GDF1: variants seen among roughly 807,000 people sequenced by gnomAD.
GDF1 encodes the protein growth differentiation factor 1, also known as embryonic growth/differentiation factor 1.
Under a neutral mutation model 7.4 loss-of-function variants are expected in GDF1, and 8 were observed. The ratio of observed to expected loss-of-function variants is 1.09; its 90% CI spans 0.64 to 1.96. GDF1 has a LOEUF of 1.96. GDF1 is among the 30% of genes most tolerant of loss of function. The pLI is 0.00. For synonymous variants in GDF1, 311 were observed against 276.7 expected, an observed-to-expected ratio of 1.12 and a Z score of -1.23; for missense variants, 574 against 551.5, an observed-to-expected ratio of 1.04 and a Z score of -0.41.
Position 18,895,962 on chromosome 19 carries a change from G to A in GDF1, c.-1212C>T. 1 of 1,077,458 alleles carries A rather than the reference G, an allele frequency of 9.3e-7. No individual in the cohort carries two copies. The highest frequency in any genetic ancestry group is 1.1e-6 in the Non-Finnish European group (1 of 889,324). The allele number at this position is 1,077,458 out of a possible 1,614,324, so 66.7% of individuals were successfully genotyped here. A position where few individuals can be genotyped will look rare whatever the true frequency, so the allele number is the denominator to read the frequency against. On this transcript the variant is annotated 5_prime_UTR_variant, in exon 1 of 8. Coordinates refer to ENST00000247005, the MANE Select transcript of GDF1 (RefSeq NM_001492.6). This position sits in a 1 kb window ranked among gnomAD's most constrained non-coding sequence, Gnocchi z 6.4. Reference sequence around the variant, plus strand: ...GCGCCAGCCCCCAGCCGCAGTCCGTGCAGCCCCGCGCCGCCGCCAGCGCGC... The same window carrying A: ...GCGCCAGCCCCCAGCCGCAGTCCGTACAGCCCCGCGCCGCCGCCAGCGCGC...
rs759329060 is a variant in GDF1, at chr19:18,869,984, G to A, written c.324C>T (p.Arg108=). 1.3e-5 allele frequency: 20 copies of A among 1,587,572 alleles called. No homozygotes were observed. The South Asian group carries it at 2.1e-4, about 16-fold the overall frequency. The change falls in exon 7 of 8, where the codon CGC becomes CGT. Residue 108 remains arginine (R), a splice_region_variant and synonymous_variant. Transcript: ENST00000247005. The part of the protein sequence containing the change: ...AGNIVRHIPD[R]GAPTRASEPA... ...GTCCCCAGCGAAAGCCCCACTCACCGCGGTCCGGGATGTGGCGCACGATGT... is the reference window on the plus strand; with the variant it reads ...GTCCCCAGCGAAAGCCCCACTCACCACGGTCCGGGATGTGGCGCACGATGT...
At position 18,884,242 on chromosome 19, in the gene GDF1, T is replaced by C. The variant is rs754993958; in HGVS notation, c.-888A>G. 2.5e-6 allele frequency: 4 copies of C among 1,613,170 alleles called. No individual in the cohort carries two copies. Among genetic ancestry groups the C allele is most frequent in the Admixed American group, 3.3e-5 (2 of 59,948 alleles). ...GCAGGTAGGCGGCTGCAATGTCCCGTGGCACTGCCATGCCCGGCGTCCAGT... is the reference window on the plus strand; with the variant it reads ...GCAGGTAGGCGGCTGCAATGTCCCGCGGCACTGCCATGCCCGGCGTCCAGT... On this transcript the variant is annotated 5_prime_UTR_variant, in exon 3 of 8. Coordinates refer to ENST00000247005, the MANE Select transcript of GDF1 (RefSeq NM_001492.6).
chr19:18,893,695 C>CCCCAT, intron 1 of GDF1, 120 bp from the exon 2 acceptor site: 1 of 1,004,472 alleles, frequency 1.0e-6, no homozygotes, highest in Non-Finnish European at 1.4e-6. Context: ...AAGGCCTGTC[C>CCCCAT]CCCATGCCCA....
intron 6 of GDF1, among the ~76,000 whole-genome samples, chr19:18,877,555 C>T (rs2056080455): frequency 1.3e-5 from 2 of 152,036 alleles, no homozygotes; most frequent in African/African-American, 4.8e-5. Context: ...TGTTTGAGAC[C>T]AGCCTGAGCA....
chr19:18,885,080 A>G (rs2056317405), intron 2 of GDF1, among the ~76,000 whole-genome samples: 1 of 152,166 alleles, frequency 6.6e-6, no homozygotes, highest in African/African-American at 2.4e-5. Context: ...TAGGACAGAA[A>G]GTTCCTTTCT....
At chr19:18,872,560 G>A (rs961846574) in intron 6 of GDF1, among the ~76,000 whole-genome samples, 4 of 151,458 alleles carry the variant, frequency 2.6e-5, no homozygotes, top group African/African-American at 9.7e-5. Flanking sequence ...TTGTCCCCCA[G>A]GCGGGAATGC....
At chr19:18,871,179 T>G (rs1568292539) in intron 6 of GDF1, among the ~76,000 whole-genome samples, 1 of 149,478 alleles carries the variant, frequency 6.7e-6, no homozygotes, top group African/African-American at 2.5e-5. Context: ...CACCTCAGCC[T>G]CCAGAGTAGC....
chr19:18,880,249 C>A, intron 4 of GDF1, 25 bp downstream of exon 4: 1 of 1,530,832 alleles, frequency 6.5e-7, no homozygotes, highest in Non-Finnish European at 8.8e-7. Flanking sequence ...ACCTCCCTCC[C>A]TGCCCAGCAC....
chr19:18,885,512 T>TG (rs1366930548), intron 2 of GDF1, among the ~76,000 whole-genome samples: 116 of 22,132 alleles, frequency 5.2e-3, no homozygotes, highest in Middle Eastern at 0.02. Context: ...CCCCTTCTCG[T>TG]TTTTTTTTTT....
intron 6 of GDF1, among the ~76,000 whole-genome samples, chr19:18,877,493 G>A (rs539399432): frequency 6.6e-6 from 1 of 152,314 alleles, no homozygotes; most frequent in African/African-American, 2.4e-5. Context: ...GCTCATGCCT[G>A]TAATCCCAGC....
chr19:18,891,316 GCAGGAAA>G (rs2056485510), intron 2 of GDF1, among the ~76,000 whole-genome samples: 2 of 152,136 alleles, frequency 1.3e-5, no homozygotes, highest in South Asian at 4.1e-4. Context: ...CCATCACATG[GCAGGAAA>G]CAGCTATCAT....
rs868217762 is a variant in GDF1 at position 18,896,091 on chromosome 19, G to T, written c.-1341C>A. On this transcript the variant is annotated 5_prime_UTR_variant, in exon 1 of 8. Coordinates refer to ENST00000247005, the MANE Select transcript of GDF1 (RefSeq NM_001492.6). This position sits in a 1 kb window ranked among gnomAD's most constrained non-coding sequence, Gnocchi z 5.9. ...CCGCCATACCGCCCGCTCGCCCGCC[G>T]TGCCCGTCGCCTGCGCCCGCCCGCG... is the stretch of plus-strand genomic sequence containing the variant. The T allele has an allele frequency of 7.9e-4, 732 of 928,422 alleles. 5 individuals are homozygous for T. The Middle Eastern group carries it at 0.02, about 26-fold the overall frequency. The allele number at this position is 928,422 out of a possible 1,614,324, so 57.5% of individuals were successfully genotyped here.
intron 6 of GDF1, among the ~76,000 whole-genome samples, chr19:18,876,046 A>G (rs760529604): frequency 2.6e-5 from 4 of 152,148 alleles, no homozygotes; most frequent in African/African-American, 9.7e-5. Context: ...GTAACATTCA[A>G]TGCCTTTTTT....
In GDF1 at chr19:18,878,220, A is replaced by C. The variant is rs556414544; in HGVS notation, c.-313+710T>G. ...CCCGGCTCCTGCTCAAACACTCCTCACGTTGCCTATGAGACACTGCACACC... is the reference window on the plus strand; with the variant it reads ...CCCGGCTCCTGCTCAAACACTCCTCCCGTTGCCTATGAGACACTGCACACC... On this transcript the variant is annotated intron_variant, in intron 6 of 7. Transcript: ENST00000247005. This position sits in a 1 kb window ranked among gnomAD's most constrained non-coding sequence, Gnocchi z 4.6. 1.0e-6 allele frequency: 1 copy of C among 984,608 alleles called. No individual in the cohort carries two copies. Among genetic ancestry groups the C allele is most frequent in the South Asian group, 4.7e-5 (1 of 21,236 alleles). 61.0% of individuals were successfully genotyped at this position (984,608 alleles called of 1,614,324 possible).
chr19:18,886,995 C>T (rs2056377743), intron 2 of GDF1, among the ~76,000 whole-genome samples: 1 of 152,208 alleles, frequency 6.6e-6, no homozygotes, highest in Non-Finnish European at 1.5e-5. Flanking sequence ...GTCACCATGA[C>T]CCAGCAAGTC....
rs1230248222 is a variant in GDF1, at chr19:18,884,172, T to C, written c.-818A>G. The C allele has an allele frequency of 6.8e-6, 11 of 1,613,378 alleles. No individual in the cohort carries two copies. Among genetic ancestry groups the C allele is most frequent in the Middle Eastern group, 1.6e-4 (1 of 6,084 alleles). On this transcript the variant is annotated 5_prime_UTR_variant, in exon 3 of 8. It removes an upstream start codon present in the reference 5' UTR. Coordinates refer to ENST00000247005, the MANE Select transcript of GDF1 (RefSeq NM_001492.6). ...ACCGAGTCCTTGCGCCAGGTGTCCA[T>C]GTATAGCGTAGCGTAGATGGAGTGG...
chr19:18,889,738 C>T (rs1250462250), intron 2 of GDF1, among the ~76,000 whole-genome samples: 2 of 152,014 alleles, frequency 1.3e-5, no homozygotes, highest in African/African-American at 4.8e-5. Flanking sequence ...CCTGTCCCAC[C>T]TCTTCATACT....
At position 18,895,829 on chromosome 19, in the gene GDF1, A is replaced by G. The variant is rs977068016; in HGVS notation, c.-1079T>C. 2.3e-6 allele frequency: 3 copies of G among 1,281,228 alleles called. No homozygotes were observed. In the Admixed American group the frequency reaches 1.3e-4, roughly 54 times the overall value. 79.4% of individuals were successfully genotyped at this position (1,281,228 alleles called of 1,614,324 possible). ...CGGCCCCCGGCCACACTGACCCGAA[A>G]GAGGCGCGCAGTGGCCGCGGAGCGC... On this transcript the variant is annotated 5_prime_UTR_variant, in exon 1 of 8. Coordinates refer to ENST00000247005, the MANE Select transcript of GDF1 (RefSeq NM_001492.6). This position sits in a 1 kb window ranked among gnomAD's most constrained non-coding sequence, Gnocchi z 6.4.
intron 4 of GDF1, among the ~76,000 whole-genome samples, chr19:18,879,673 T>C (rs1406118872): frequency 2.5e-4 from 9 of 36,700 alleles, no homozygotes; most frequent in Non-Finnish European, 3.6e-4. Flanking sequence ...CCTTCTCTGC[T>C]AGGCCCCACC....
Sources: allele counts gnomAD v4.1 joint callset (sites outside exome capture counted in the v4.1 genomes callset), GRCh38; gene constraint gnomAD v4.1.1; non-coding constraint Gnocchi (gnomAD v3.1); transcripts MANE v1.5; gene names NCBI Gene and HGNC (gene_info 2026-07-23, HGNC 2026-07-21).